The following MAP3K6 variants were observed in gnomAD, a reference collection of about 807,000 sequenced individuals.
MAP3K6 encodes apoptosis signal-regulating kinase 2.
MAP3K6 carries 105 observed loss-of-function variants against 147.1 expected under a neutral mutation model. The ratio of observed to expected loss-of-function variants is 0.71; its 90% CI spans 0.61 to 0.84. MAP3K6 has a LOEUF of 0.84. MAP3K6 is among the 40% of genes least tolerant of loss of function. The pLI, the probability that MAP3K6 is intolerant of heterozygous loss-of-function variation, is 0.00. For missense variants in MAP3K6, 1,569 were observed against 1,715.0 expected, an observed-to-expected ratio of 0.91 and a Z score of 1.50; for synonymous variants, 695 against 732.4, an observed-to-expected ratio of 0.95 and a Z score of 0.82.
Position 27,363,025 on chromosome 1 carries a change from G to C in MAP3K6, c.972-4C>G, listed in dbSNP as rs753781271. ...CCGGTCCCCAGGCCTGTTCCTCCTAGGGAAAAGATGGGCTCAGGCCCTCCC... is the reference window on the plus strand; with the variant it reads ...CCGGTCCCCAGGCCTGTTCCTCCTACGGAAAAGATGGGCTCAGGCCCTCCC... On this transcript the variant is annotated splice_region_variant and splice_polypyrimidine_tract_variant and intron_variant, in intron 6 of 28. Transcript: ENST00000357582. 1.2e-6 allele frequency: 2 copies of C among 1,611,924 alleles called. No individual in the cohort carries two copies. The highest frequency in any genetic ancestry group is 1.7e-6 in the Non-Finnish European group (2 of 1,179,132).
chr1:27,363,222 G>T (rs1414282378), intron 6 of MAP3K6, among the ~76,000 whole-genome samples: 1 of 152,138 alleles, frequency 6.6e-6, no homozygotes, highest in Non-Finnish European at 1.5e-5. Context: ...TAGGAGCAGT[G>T]ATCTTGGACA....
rs2015779239 is a variant in MAP3K6, at chr1:27,361,697, G to A, written c.1578+8C>T. On this transcript the variant is annotated splice_region_variant and intron_variant, in intron 10 of 28. Coordinates refer to ENST00000357582, the MANE Select transcript of MAP3K6 (RefSeq NM_004672.5). ...CTTTCCCGGGTCCACCACCCCTACA[G>A]GCCTCACCAAGCACTGGTCGCCCTG... The A allele has an allele frequency of 6.2e-7, 1 of 1,613,838 alleles. No homozygotes were observed.
At chr1:27,356,885 A>G (rs2015547100) in intron 24 of MAP3K6, 124 bp downstream of exon 24, 37 of 1,409,032 alleles carry the variant, frequency 2.6e-5, no homozygotes, top group Non-Finnish European at 3.3e-5. Context: ...CCATTTAGTC[A>G]CGCCCCCACC....
rs2015679029 is a variant in MAP3K6 at position 27,359,879 on chromosome 1, G to A, written c.2298C>T (p.His766=). 1 of 1,614,050 alleles carries A rather than the reference G, an allele frequency of 6.2e-7. No individual in the cohort carries two copies. The highest frequency in any genetic ancestry group is 1.7e-5 in the Admixed American group (1 of 60,008). Residue 766 remains histidine, a synonymous_variant, in exon 17 of 29, where the codon CAC becomes CAT. Coordinates refer to ENST00000357582, the MANE Select transcript of MAP3K6 (RefSeq NM_004672.5). This position sits in a 1 kb window ranked among gnomAD's most constrained non-coding sequence, Gnocchi z 4.4. The stretch of plus-strand genomic sequence containing the variant: ...TTACTTTTATGTCCCTGTGCACGAT[G>A]TGGTTGTCGTGCAAGTAGCCAAGTC... ...LQGLGYLHDN[H]IVHRDIKGDN... is the part of the protein sequence containing the mutation.
At chr1:27,365,639 ACTTCCCCGCCC>A (rs1247400892) in intron 1 of MAP3K6, among the ~76,000 whole-genome samples, 2 of 104,146 alleles carry the variant, frequency 1.9e-5, no homozygotes, top group Non-Finnish European at 4.0e-5. Context: ...TTTCCCGCCC[ACTTCCCCGCCC>A]CTTCCCCGCC....
rs150653235 is a variant in MAP3K6 at position 27,365,059 on chromosome 1, T to C, written c.341-147A>G. On this transcript the variant is annotated intron_variant, in intron 1 of 28. Coordinates refer to ENST00000357582, the MANE Select transcript of MAP3K6 (RefSeq NM_004672.5). ...GGCTTCAGTCGGCCCTTTTTAGGGT[T>C]CCCCTGGCACTTTCACAGAACTGAT... 4.2e-4 allele frequency: 342 copies of C among 815,104 alleles called. 1 individual carries two copies. The African/African-American group carries it at 5.5e-3, about 13-fold the overall frequency. 50.5% of individuals were successfully genotyped at this position (815,104 alleles called of 1,614,324 possible). A position where few individuals can be genotyped will look rare whatever the true frequency, so the allele number is the denominator to read the frequency against.
In MAP3K6 at chr1:27,357,730, T is replaced by C. The variant is rs368821006; in HGVS notation, c.3062A>G (p.Gln1021Arg). 15 of 1,611,668 alleles carry C rather than the reference T, an allele frequency of 9.3e-6. No homozygotes were observed. In the Admixed American group the frequency reaches 2.3e-4, roughly 25 times the overall value. ...GCCCACCTGCTCTTGCTTCTGCTCC[T>C]GGTGCAGATTCTCCGCCAGCGCTGG... ...ELPALAENLH[Q>R]EQKQEQGARL... The change falls in exon 22 of 29, where the codon CAG (glutamine) becomes CGG (arginine). Residue 1021 changes from glutamine (Q) to arginine (R), a missense_variant. Physicochemically the swap from Gln to Arg is conservative, Grantham distance 43. Transcript: ENST00000357582.
chr1:27,364,390 C>T lies in MAP3K6; in HGVS notation c.509G>A (p.Cys170Tyr), dbSNP rs1044652175. ...GGGGATCAGTGTGTAGCTGCCAACG[C>T]AATCCTGGTGGGAGGGAGGCAGGAA... ...REDVFQKNSD[C>Y]VGSYTLIPYV... The change falls in exon 4 of 29, where the codon TGC (cysteine) becomes TAC (tyrosine). Residue 170 changes from cysteine (C) to tyrosine (Y), a missense_variant. Coordinates refer to ENST00000357582, the MANE Select transcript of MAP3K6 (RefSeq NM_004672.5). The surrounding 1 kb of genome is among the most constrained non-coding windows in gnomAD (Gnocchi z 4.4). 5 of 1,613,830 alleles carry T rather than the reference C, an allele frequency of 3.1e-6. No individual in the cohort carries two copies. The highest frequency in any genetic ancestry group is 4.2e-6 in the Non-Finnish European group (5 of 1,179,886).
intron 8 of MAP3K6, 118 bp downstream of exon 8, chr1:27,362,523 C>G: frequency 1.2e-6 from 1 of 859,960 alleles, no homozygotes; most frequent in Non-Finnish European, 1.8e-6. Flanking sequence ...ATGGGCAGGA[C>G]AGTCCAAAAT....
At position 27,356,700 on chromosome 1, in the gene MAP3K6, T is replaced by C. The variant is rs759531741; in HGVS notation, c.3414A>G (p.Glu1138=). The change falls in exon 25 of 29, where the codon GAA becomes GAG. Residue 1138 remains glutamate, a synonymous_variant. Coordinates refer to ENST00000357582, the MANE Select transcript of MAP3K6 (RefSeq NM_004672.5). ...GGCCTGGGCTCTGCTGGGAGTCCCC[T>C]TCATTACTCAGCTCCTCTGACCTCG... is the stretch of plus-strand genomic sequence containing the variant. ...VSPRSEELSN[E]GDSQQSPGQQ... The C allele has an allele frequency of 1.0e-5, 16 of 1,605,554 alleles. No homozygotes were observed. The East Asian group carries it at 2.9e-4, about 29-fold the overall frequency.
At position 27,358,820 on chromosome 1, in the gene MAP3K6, G is replaced by T; in HGVS notation, c.2472C>A (p.Arg824=). Residue 824 remains arginine (R), a synonymous_variant, in exon 19 of 29, where the codon CGC becomes CGA. Transcript: ENST00000357582. This position sits in a 1 kb window ranked among gnomAD's most constrained non-coding sequence, Gnocchi z 6.2. ...MAPEIIDQGP[R]GYGKAADIWS... Reference sequence around the variant, plus strand: ...AGATGTCAGCTGCTTTCCCATACCCGCGTGGGCCCTGGTCAATGATTTCTG... The same window carrying T: ...AGATGTCAGCTGCTTTCCCATACCCTCGTGGGCCCTGGTCAATGATTTCTG... The T allele has an allele frequency of 6.2e-7, 1 of 1,608,948 alleles. No individual in the cohort carries two copies.
intron 8 of MAP3K6, 26 bp from the exon 9 acceptor site, chr1:27,362,276 G>C: frequency 6.3e-7 from 1 of 1,597,442 alleles, no homozygotes; most frequent in Non-Finnish European, 8.5e-7. Context: ...ATGGGCTCCA[G>C]TGAGTGTGGG....
intron 1 of MAP3K6, among the ~76,000 whole-genome samples, chr1:27,365,193 T>A (rs2015933008): frequency 6.6e-6 from 1 of 152,146 alleles, no homozygotes; most frequent in Non-Finnish European, 1.5e-5. Flanking sequence ...GTGGACCAGT[T>A]GAGTCTGTTA....
rs555692283 is a variant in MAP3K6, at chr1:27,359,253, T to C, written c.2425+164A>G. Reference sequence around the variant, plus strand: ...TTTCATCACTTCTCCAAGCTCCAGTTCCAGATGCCACCACCTCAGCCCTGG... The same window carrying C: ...TTTCATCACTTCTCCAAGCTCCAGTCCCAGATGCCACCACCTCAGCCCTGG... On this transcript the variant is annotated intron_variant, in intron 18 of 28. Coordinates refer to ENST00000357582, the MANE Select transcript of MAP3K6 (RefSeq NM_004672.5). The surrounding 1 kb of genome is among the most constrained non-coding windows in gnomAD (Gnocchi z 4.4). 6.6e-6 allele frequency among the ~76,000 whole-genome samples: 1 copy of C among 152,258 alleles called. No homozygotes were observed. The highest frequency in any genetic ancestry group is 1.9e-4 in the East Asian group (1 of 5,182).
At position 27,358,664 on chromosome 1, in the gene MAP3K6, C is replaced by A. The variant is rs769522093; in HGVS notation, c.2583+45G>T. ...CATTCAGAGGTGTCCAAGGCCCAGG[C>A]TGGCCCTATGCCACTTCCATGGGCC... is the stretch of plus-strand genomic sequence containing the variant. On this transcript the variant is annotated intron_variant, in intron 19 of 28. Coordinates refer to ENST00000357582, the MANE Select transcript of MAP3K6 (RefSeq NM_004672.5). This position sits in a 1 kb window ranked among gnomAD's most constrained non-coding sequence, Gnocchi z 6.2. 6.2e-7 allele frequency: 1 copy of A among 1,613,618 alleles called. No homozygotes were observed. The highest frequency in any genetic ancestry group is 8.5e-7 in the Non-Finnish European group (1 of 1,179,934).
At chr1:27,362,596 G>C in intron 8 of MAP3K6, 45 bp downstream of exon 8, 1 of 1,444,648 alleles carries the variant, frequency 6.9e-7, no homozygotes, top group Non-Finnish European at 9.4e-7. Flanking sequence ...CAGGCCCCTC[G>C]GAACCCCTGT....
In MAP3K6 at chr1:27,356,469, C is replaced by A. The variant is rs1241033163; in HGVS notation, c.3556G>T (p.Glu1186Ter). 1 of 1,613,828 alleles carries A rather than the reference C, an allele frequency of 6.2e-7. No individual in the cohort carries two copies. Residue 1186 changes from glutamate (E) to a stop codon, truncating the protein, a stop_gained, in exon 26 of 29, where the codon GAG becomes TAG. Coordinates refer to ENST00000357582, the MANE Select transcript of MAP3K6 (RefSeq NM_004672.5). LOFTEE classifies it high-confidence loss of function. ...LREILAGKER[E>*]YQALVQRALQ... Reference sequence around the variant, plus strand: ...GCCCGCTGCACCAGGGCCTGGTACTCCCGTTCCTTCCCCGCCAGGATTTCG... The same window carrying A: ...GCCCGCTGCACCAGGGCCTGGTACTACCGTTCCTTCCCCGCCAGGATTTCG...
Position 27,362,652 on chromosome 1 carries a change from A to T in MAP3K6, c.1244T>A (p.Leu415His). 1.3e-6 allele frequency: 2 copies of T among 1,590,654 alleles called. No homozygotes were observed. The highest frequency in any genetic ancestry group is 1.7e-6 in the Non-Finnish European group (2 of 1,167,036). ...AGQHFEDSKE[L>H]RLIGMKLGCL... ...GGATCTGTGCTCACCTATTAGCCGG[A>T]GCTCTTTGGAATCCTCAAAGTGCTG... Residue 415 changes from leucine to histidine, a missense_variant, in exon 8 of 29, where the codon CTC becomes CAC. Coordinates refer to ENST00000357582, the MANE Select transcript of MAP3K6 (RefSeq NM_004672.5).
rs779053962 is a variant in MAP3K6, at chr1:27,361,236, C to G, written c.1753G>C (p.Glu585Gln). The G allele has an allele frequency of 7.4e-5, 120 of 1,613,204 alleles. 2 individuals carry two copies. The highest frequency in any genetic ancestry group is 6.6e-4 in the Middle Eastern group (4 of 6,084). The change falls in exon 13 of 29, where the codon GAG (glutamate) becomes CAG (glutamine). Residue 585 changes from glutamate (E) to glutamine (Q), a missense_variant. Coordinates refer to ENST00000357582, the MANE Select transcript of MAP3K6 (RefSeq NM_004672.5). ...ICGVSASKRD[E>Q]RCCFLYALPP... ...AGTGCATAGAGGAAGCAGCAGCGCT[C>G]GTCGCGCTTTGAGGCGCTGGGAAGG... is the stretch of plus-strand genomic sequence containing the variant.
Sources: allele counts gnomAD v4.1 joint callset (sites outside exome capture counted in the v4.1 genomes callset), GRCh38; gene constraint gnomAD v4.1.1; non-coding constraint Gnocchi (gnomAD v3.1); transcripts MANE v1.5; gene names NCBI Gene and HGNC (gene_info 2026-07-23, HGNC 2026-07-21).